CEP162: variants seen among roughly 807,000 people sequenced by gnomAD.
CEP162 encodes centrosomal protein of 162 kDa.
Under a neutral mutation model 169.2 loss-of-function variants are expected in CEP162, and 141 were observed. The ratio of observed to expected loss-of-function variants is 0.83; its 90% CI spans 0.73 to 0.96. The LOEUF is 0.96. CEP162 is among the 40% of genes least tolerant of loss of function. The probability of loss-of-function intolerance (pLI) is 0.00; values close to 1 mark genes in which losing one functional copy is unlikely to be tolerated. For synonymous variants in CEP162, 540 were observed against 526.4 expected (o/e 1.03, Z -0.35); for missense variants, 1,600 against 1,587.2 (o/e 1.01, Z -0.14).
At chr6:84,140,728 T>C (rs188803455) in intron 25 of CEP162, among the ~76,000 whole-genome samples, 1 of 152,128 alleles carries the variant, frequency 6.6e-6, no homozygotes, top group African/African-American at 2.4e-5. Context: ...TCTCGTCATA[T>C]TGCCCAGGCT....
intron 7 of CEP162, among the ~76,000 whole-genome samples, chr6:84,202,660 TG>T (rs1478619893): frequency 2.6e-5 from 4 of 151,672 alleles, no homozygotes; most frequent in Admixed American, 2.6e-4. Context: ...CCCGAGCAGC[TG>T]GGACTACAGG....
chr6:84,177,246 T>C (rs891685474), intron 13 of CEP162, among the ~76,000 whole-genome samples: 1 of 152,204 alleles, frequency 6.6e-6, no homozygotes, highest in Non-Finnish European at 1.5e-5. Context: ...ATTGACTATT[T>C]ATTGAAGGAT....
At position 84,159,057 on chromosome 6, in the gene CEP162, A is replaced by G. The variant is rs569192427; in HGVS notation, c.2781+1755T>C. Among the ~76,000 whole-genome samples the G allele has an allele frequency of 2.6e-5, 4 of 151,600 alleles. No individual in the cohort carries two copies. The South Asian group carries it at 8.3e-4, about 32-fold the overall frequency. ...TTACTTATATTCTATTTAAAAATAG[A>G]TAATTTATAATTAGTCTATTTAAGA... is the stretch of plus-strand genomic sequence containing the variant. On this transcript the variant is annotated intron_variant, in intron 21 of 26. Transcript: ENST00000403245.
Position 84,174,038 on chromosome 6 carries a change from AT to A in CEP162, c.2166+9del. On this transcript the variant is annotated intron_variant, in intron 16 of 26. Transcript: ENST00000403245. ...GAGTAAATTTGCCATATGTTGAAGA[AT>A]TGCCATACCTGTTGATATCCTTGAA... The A allele has an allele frequency of 6.2e-7, 1 of 1,605,748 alleles. No individual in the cohort carries two copies. The highest frequency in any genetic ancestry group is 1.1e-5 in the South Asian group (1 of 89,318).
chr6:84,126,791 T>G lies in CEP162; in HGVS notation c.3871-279A>C, dbSNP rs115157134. ...GGAGCTGAAAATGAAGTTGGCACTTTCTTTAATGCATTAAGTTTCACTACA... is the reference window on the plus strand; with the variant it reads ...GGAGCTGAAAATGAAGTTGGCACTTGCTTTAATGCATTAAGTTTCACTACA... On this transcript the variant is annotated intron_variant, in intron 25 of 26. Coordinates refer to ENST00000403245, the MANE Select transcript of CEP162 (RefSeq NM_014895.4). Among the ~76,000 whole-genome samples the G allele has an allele frequency of 8.9e-3, 1,348 of 152,134 alleles. 20 individuals carry two copies. The highest frequency in any genetic ancestry group is 0.031 in the African/African-American group (1,285 of 41,536).
chr6:84,213,702 G>A (rs1436605360), intron 5 of CEP162, among the ~76,000 whole-genome samples: 3 of 152,042 alleles, frequency 2.0e-5, no homozygotes, highest in South Asian at 2.1e-4. Flanking sequence ...TACTTTGACC[G>A]GCCTGTTCTA....
At chr6:84,206,962 G>A (rs888713814) in intron 6 of CEP162, among the ~76,000 whole-genome samples, 4 of 152,130 alleles carry the variant, frequency 2.6e-5, no homozygotes, top group African/African-American at 7.2e-5. Context: ...CAACAGACAT[G>A]TGAAAAAATG....
chr6:84,135,405 G>A (rs2099513592), intron 25 of CEP162, among the ~76,000 whole-genome samples: 1 of 152,192 alleles, frequency 6.6e-6, no homozygotes, highest in Non-Finnish European at 1.5e-5. Context: ...CTGGCAGGAG[G>A]TGGCTCAGGT....
intron 13 of CEP162, among the ~76,000 whole-genome samples, chr6:84,177,518 TA>T (rs757297982): frequency 2.6e-5 from 4 of 152,090 alleles, no homozygotes; most frequent in Non-Finnish European, 4.4e-5. Context: ...AGGTTCACAA[TA>T]AAAGCATGCT....
At chr6:84,154,173 G>GTTAGGGTGT (rs2099522174) in intron 22 of CEP162, among the ~76,000 whole-genome samples, 1 of 152,166 alleles carries the variant, frequency 6.6e-6, no homozygotes, top group Non-Finnish European at 1.5e-5. Flanking sequence ...AAAGAAACAA[G>GTTAGGGTGT]TTAGGGTGTT....
At chr6:84,138,848 T>G (rs2099515268) in intron 25 of CEP162, among the ~76,000 whole-genome samples, 2 of 152,206 alleles carry the variant, frequency 1.3e-5, no homozygotes, top group Non-Finnish European at 2.9e-5. Flanking sequence ...TTAACAAAGT[T>G]TTATGTACAT....
At chr6:84,171,765 T>C (rs1379120599) in intron 16 of CEP162, 47 bp from the exon 17 acceptor site, 1 of 755,004 alleles carries the variant, frequency 1.3e-6, no homozygotes, top group Non-Finnish European at 2.1e-6. Context: ...TCATTAGTAC[T>C]TATATAACAT....
intron 9 of CEP162, among the ~76,000 whole-genome samples, chr6:84,200,469 A>C (rs187195771): frequency 1.9e-3 from 289 of 152,324 alleles, no homozygotes; most frequent in African/African-American, 6.8e-3. Flanking sequence ...TTTCTCCTAC[A>C]CATGGCAGAT....
intron 9 of CEP162, among the ~76,000 whole-genome samples, chr6:84,199,879 T>C (rs1036996506): frequency 2.6e-5 from 4 of 152,228 alleles, no homozygotes; most frequent in Admixed American, 6.5e-5. Context: ...ATCTATTTTA[T>C]GAACAAATGT....
rs1469341595 is a variant in CEP162, at chr6:84,174,936, C to G, written c.1816G>C (p.Gly606Arg). 2 of 1,602,988 alleles carry G rather than the reference C, an allele frequency of 1.2e-6. No homozygotes were observed. The highest frequency in any genetic ancestry group is 3.4e-5 in the Admixed American group (2 of 59,084). Residue 606 changes from glycine to arginine, a missense_variant, in exon 15 of 27, where the codon GGT becomes CGT. Transcript: ENST00000403245. ...QFQTDSLGYCGENKEKKLLMF... is the reference protein window; with the variant it reads ...QFQTDSLGYCRENKEKKLLMF... Reference sequence around the variant, plus strand: ...AGTAATTTCTTCTCCTTGTTCTCACCACAGTATCCTAAGGAATCCTTTCAA... The same window carrying G: ...AGTAATTTCTTCTCCTTGTTCTCACGACAGTATCCTAAGGAATCCTTTCAA...
intron 3 of CEP162, among the ~76,000 whole-genome samples, chr6:84,220,756 A>T (rs906224914): frequency 4.6e-5 from 7 of 152,176 alleles, no homozygotes; most frequent in African/African-American, 1.7e-4. Flanking sequence ...TATCTTATTA[A>T]ATCACCTTAA....
chr6:84,179,960 T>C (rs544276626), intron 13 of CEP162, among the ~76,000 whole-genome samples: 4 of 152,014 alleles, frequency 2.6e-5, no homozygotes, highest in African/African-American at 7.2e-5. Flanking sequence ...TTCCAATCAA[T>C]AGAAAAAGAG....
intron 7 of CEP162, among the ~76,000 whole-genome samples, chr6:84,202,619 T>G (rs2099545078): frequency 6.9e-6 from 1 of 145,086 alleles, no homozygotes; most frequent in Admixed American, 7.1e-5. Context: ...CCTCTGCCCC[T>G]GGGGTTCGAG....
intron 16 of CEP162, among the ~76,000 whole-genome samples, chr6:84,172,398 C>T (rs775526304): frequency 6.6e-6 from 1 of 152,126 alleles, no homozygotes; most frequent in Non-Finnish European, 1.5e-5. Context: ...GCTTATGAAC[C>T]TGTTTAAAAT....
Sources: gnomAD v4.1 joint callset for allele counts (sites outside exome capture counted in the v4.1 genomes callset) on GRCh38, gnomAD v4.1.1 for gene constraint, MANE v1.5 for transcripts, NCBI Gene and HGNC (gene_info 2026-07-23, HGNC 2026-07-21) for gene names.